Variants in BICC1 observed in about 807,000 individuals in gnomAD.
The protein encoded by BICC1 is protein bicaudal C homolog 1.
BICC1 carries 43 observed loss-of-function variants against 111.0 expected under a neutral mutation model. That is an observed-to-expected ratio of 0.39 (90% CI 0.30 to 0.50). The LOEUF (loss-of-function observed/expected upper bound fraction) is 0.50, where lower values mean the gene tolerates loss of function less well. Among genes scored for constraint, BICC1 ranks in the 20% least tolerant of loss-of-function variants. BICC1 has a pLI of 0.88. For synonymous variants in BICC1, 467 were observed against 434.4 expected, an observed-to-expected ratio of 1.07 and a Z score of -0.93; for missense variants, 1,091 against 1,203.2, an observed-to-expected ratio of 0.91 and a Z score of 1.38.
intron 1 of BICC1, among the ~76,000 whole-genome samples, chr10:58,562,280 CCATT>C (rs1843627026): frequency 6.6e-6 from 1 of 151,952 alleles, no homozygotes; most frequent in African/African-American, 2.4e-5. Context: ...TTGGCTTTCT[CCATT>C]CATTTTTATT....
intron 1 of BICC1, among the ~76,000 whole-genome samples, chr10:58,584,540 G>A (rs1589118994): frequency 6.6e-6 from 1 of 152,252 alleles, no homozygotes; most frequent in South Asian, 2.1e-4. Flanking sequence ...GATCATGGCT[G>A]GGATGCTATT....
chr10:58,790,687 C>T (rs540849049), intron 8 of BICC1, among the ~76,000 whole-genome samples: 6 of 152,126 alleles, frequency 3.9e-5, no homozygotes, highest in East Asian at 1.9e-4. Flanking sequence ...TTAGCCAATG[C>T]GGTGGCAGGT....
At chr10:58,754,754 GT>G (rs988768766) in intron 3 of BICC1, among the ~76,000 whole-genome samples, 1 of 110,818 alleles carries the variant, frequency 9.0e-6, no homozygotes, top group African/African-American at 3.5e-5. Context: ...GTGAGGGGGG[GT>G]GTGTATGTGT....
At chr10:58,525,895 G>T (rs1349700739) in intron 1 of BICC1, among the ~76,000 whole-genome samples, 1 of 151,740 alleles carries the variant, frequency 6.6e-6, no homozygotes, top group Admixed American at 6.6e-5. Context: ...GTATTTCTAA[G>T]CAGTTTTCAG....
chr10:58,578,129 A>G (rs771438576), intron 1 of BICC1, among the ~76,000 whole-genome samples: 19 of 152,190 alleles, frequency 1.2e-4, no homozygotes, highest in Non-Finnish European at 2.4e-4. Context: ...GTGGGGGTAA[A>G]GACAATTAAC....
At chr10:58,826,056 G>A (rs546557363) in intron 20 of BICC1, among the ~76,000 whole-genome samples, 101 of 151,830 alleles carry the variant, frequency 6.7e-4, no homozygotes, top group African/African-American at 2.4e-3. Flanking sequence ...AGATGCAAAA[G>A]CCTTGCACTT....
intron 1 of BICC1, among the ~76,000 whole-genome samples, chr10:58,595,734 A>G (rs1420848823): frequency 6.6e-6 from 1 of 152,196 alleles, no homozygotes; most frequent in Admixed American, 6.5e-5. Flanking sequence ...GGGAAATTTT[A>G]TAGCACTATG....
intron 2 of BICC1, among the ~76,000 whole-genome samples, chr10:58,664,691 G>C (rs1388427604): frequency 6.6e-6 from 1 of 151,096 alleles, no homozygotes; most frequent in African/African-American, 2.4e-5. Flanking sequence ...ATAGGCTTGT[G>C]GGTTTTTTTT....
intron 3 of BICC1, among the ~76,000 whole-genome samples, chr10:58,759,968 G>GAAAAA (rs56286810): frequency 1.1e-4 from 14 of 132,696 alleles, no homozygotes; most frequent in Admixed American, 1.5e-4. Flanking sequence ...AAAAGAAAAA[G>GAAAAA]AAAAAAAAAA....
At chr10:58,737,924 T>G (rs559738862) in intron 3 of BICC1, among the ~76,000 whole-genome samples, 3 of 152,184 alleles carry the variant, frequency 2.0e-5, no homozygotes, top group Non-Finnish European at 2.9e-5. Flanking sequence ...CGCCCACTTG[T>G]TGGTGGGGTT....
At chr10:58,534,075 G>A (rs1369601501) in intron 1 of BICC1, among the ~76,000 whole-genome samples, 1 of 151,672 alleles carries the variant, frequency 6.6e-6, no homozygotes, top group East Asian at 1.9e-4. Context: ...TAAAAGGAGG[G>A]AAAAAAGATA....
chr10:58,538,301 GAACCAAGAA>G (rs3075344), intron 1 of BICC1, among the ~76,000 whole-genome samples: 69,213 of 151,084 alleles, frequency 0.46, 16,822 homozygotes, highest in Admixed American at 0.62. Context: ...ACAAAATAGA[GAACCAAGAA>G]ATAAAGCCGA....
intron 1 of BICC1, among the ~76,000 whole-genome samples, chr10:58,570,121 G>A (rs78792127): frequency 0.041 from 6,286 of 152,180 alleles, 415 homozygotes; most frequent in African/African-American, 0.14. Context: ...ATAAAACTTC[G>A]GGAACTATAA....
At chr10:58,761,878 A>G (rs932834304) in intron 3 of BICC1, among the ~76,000 whole-genome samples, 1 of 152,024 alleles carries the variant, frequency 6.6e-6, no homozygotes, top group Non-Finnish European at 1.5e-5. Flanking sequence ...AAAAGCAACC[A>G]CTTGCATGTG....
intron 2 of BICC1, among the ~76,000 whole-genome samples, chr10:58,687,818 C>T (rs116482795): frequency 0.014 from 2,059 of 152,252 alleles, 45 homozygotes; most frequent in African/African-American, 0.045. Context: ...TTTGTGCTTC[C>T]TGGGTGAGGC....
At chr10:58,755,733 G>T (rs1286987369) in intron 3 of BICC1, among the ~76,000 whole-genome samples, 3 of 150,582 alleles carry the variant, frequency 2.0e-5, no homozygotes, top group African/African-American at 7.3e-5. Context: ...TCTGGAAGAT[G>T]AATTTCAGTT....
intron 2 of BICC1, among the ~76,000 whole-genome samples, chr10:58,646,295 A>G (rs1838267553): frequency 6.6e-6 from 1 of 152,210 alleles, no homozygotes; most frequent in South Asian, 2.1e-4. Context: ...GTGCTAATAA[A>G]TATAATTTTC....
rs372125346 is a variant in BICC1, at chr10:58,620,917, C to T, written c.237+16C>T. The T allele has an allele frequency of 3.0e-5, 48 of 1,611,018 alleles. No individual in the cohort carries two copies. The highest frequency in any genetic ancestry group is 4.0e-5 in the African/African-American group (3 of 74,848). ...TTTTCAAAAGGTAAGTTGTCTTTTA[C>T]TCTTGTCATGGTGATAAGTAAGAGG... On this transcript the variant is annotated intron_variant, in intron 2 of 20. Coordinates refer to ENST00000373886, the MANE Select transcript of BICC1 (RefSeq NM_001080512.3).
Position 58,829,079 on chromosome 10 carries a change from A to G in BICC1, c.*188A>G, listed in dbSNP as rs1424015482. ...AGAAGATGTTCTTATGATGTCATAC[A>G]GAACACCAAATATGGATTACTTTTT... On this transcript the variant is annotated 3_prime_UTR_variant, in exon 21 of 21. Coordinates refer to ENST00000373886, the MANE Select transcript of BICC1 (RefSeq NM_001080512.3). 1.2e-5 allele frequency: 7 copies of G among 579,932 alleles called. No homozygotes were observed. Among genetic ancestry groups the G allele is most frequent in the African/African-American group, 1.9e-5 (1 of 52,872 alleles). The allele number at this position is 579,932 out of a possible 1,614,324, so 35.9% of individuals were successfully genotyped here.
Sources: gnomAD v4.1 joint callset for allele counts (sites outside exome capture counted in the v4.1 genomes callset) on GRCh38, gnomAD v4.1.1 for gene constraint, MANE v1.5 for transcripts, NCBI Gene and HGNC (gene_info 2026-07-23, HGNC 2026-07-21) for gene names.